The following TCF3 variants were observed in gnomAD, a reference collection of about 807,000 sequenced individuals.
The protein encoded by TCF3 is transcription factor 3.
In TCF3, 54 loss-of-function variants were observed where a neutral mutation model predicts 72.3. That is an observed-to-expected ratio of 0.75 (90% CI 0.60 to 0.94). The LOEUF is 0.94. Among genes scored for constraint, TCF3 ranks in the 40% least tolerant of loss-of-function variants. The probability of loss-of-function intolerance (pLI) is 0.00; values close to 1 mark genes in which losing one functional copy is unlikely to be tolerated. For synonymous variants in TCF3, 525 were observed against 412.6 expected (o/e 1.27, Z -3.30); for missense variants, 1,078 against 934.4 (o/e 1.15, Z -2.00).
At position 1,619,113 on chromosome 19, in the gene TCF3, C is replaced by T. The variant is rs371587171; in HGVS notation, c.1448G>A (p.Ser483Asn). 1 of 1,599,422 alleles carries T rather than the reference C, an allele frequency of 6.3e-7. No individual in the cohort carries two copies. Among genetic ancestry groups the T allele is most frequent in the Non-Finnish European group, 8.5e-7 (1 of 1,179,704 alleles). Residue 483 changes from serine to asparagine, a missense_variant and splice_region_variant, in exon 16 of 19, where the codon AGT becomes AAT. Physicochemically the swap from Ser to Asn is conservative, Grantham distance 46 (BLOSUM62 1). Coordinates refer to ENST00000262965, the MANE Select transcript of TCF3 (RefSeq NM_003200.5). ...CAGTCCCAAGCTCAAGGGCTTACCA[C>T]TGTAGGAGTCGGGAGGCCGAGACAG... Reference protein sequence around the residue: ...PDLSRPPDSYSGLGRAGATAA... With the variant: ...PDLSRPPDSYNGLGRAGATAA...
chr19:1,638,428 G>A (rs2064768560), intron 3 of TCF3, among the ~76,000 whole-genome samples: 1 of 152,074 alleles, frequency 6.6e-6, no homozygotes, highest in African/African-American at 2.4e-5. Flanking sequence ...GACTACAGGC[G>A]CCCACCACCG....
chr19:1,630,194 TGGGA>T (rs1434070338), intron 5 of TCF3, among the ~76,000 whole-genome samples: 1 of 152,068 alleles, frequency 6.6e-6, no homozygotes, highest in Non-Finnish European at 1.5e-5. Flanking sequence ...AGGAAGAGGC[TGGGA>T]GGAAGGAACA....
At chr19:1,640,206 A>G (rs1040150807) in intron 3 of TCF3, among the ~76,000 whole-genome samples, 1 of 151,842 alleles carries the variant, frequency 6.6e-6, no homozygotes, top group African/African-American at 2.4e-5. Flanking sequence ...CACTTTTGGC[A>G]CGGGTGGACA....
chr19:1,611,947 G>GGGGGGGGC, intron 18 of TCF3, 98 bp from the exon 19 acceptor site: 1 of 449,528 alleles, frequency 2.2e-6, no homozygotes, highest in Non-Finnish European at 4.0e-6. Context: ...GGGGGTGGGG[G>GGGGGGGGC]CAGAGCCCCA....
At position 1,632,696 on chromosome 19, in the gene TCF3, G is replaced by A. The variant is rs566243892; in HGVS notation, c.146-291C>T. ...AAGCCCCAGCTTTCATACCCTCCTT[G>A]GGCAAAGACCTCACTCTCACGCCGA... On this transcript the variant is annotated intron_variant, in intron 3 of 18. Coordinates refer to ENST00000262965, the MANE Select transcript of TCF3 (RefSeq NM_003200.5). Among the ~76,000 whole-genome samples, 6 of 152,192 alleles carry A rather than the reference G, an allele frequency of 3.9e-5. No individual in the cohort carries two copies. The South Asian group carries it at 6.2e-4, about 16-fold the overall frequency.
chr19:1,622,030 CCT>C (rs1491431461), intron 10 of TCF3, 22 bp downstream of exon 10: 1 of 1,595,200 alleles, frequency 6.3e-7, no homozygotes, highest in Admixed American at 1.7e-5. Context: ...CCGCCCACCC[CCT>C]GCCCCCTGCC....
intron 3 of TCF3, among the ~76,000 whole-genome samples, chr19:1,641,408 T>C (rs1253066911): frequency 6.6e-6 from 1 of 152,048 alleles, no homozygotes; most frequent in Admixed American, 6.6e-5. Context: ...CTTGAGCTCA[T>C]GAATACAAGA....
chr19:1,626,579 G>A (rs1319905885), intron 6 of TCF3, among the ~76,000 whole-genome samples: 1 of 152,168 alleles, frequency 6.6e-6, no homozygotes, highest in Non-Finnish European at 1.5e-5. Flanking sequence ...CCACCGCGGG[G>A]CTCGATGAGT....
chr19:1,646,868 C>G, intron 2 of TCF3, among the ~76,000 whole-genome samples: 2 of 152,316 alleles, frequency 1.3e-5, no homozygotes, highest in Middle Eastern at 3.4e-3. Flanking sequence ...GGAGAGTCCC[C>G]GGATGCCTGA....
chr19:1,647,548 C>T (rs540188159), intron 2 of TCF3, among the ~76,000 whole-genome samples: 1 of 152,296 alleles, frequency 6.6e-6, no homozygotes, highest in East Asian at 1.9e-4. Context: ...AGAGGAAGAA[C>T]GGTCTTGCGG....
intron 3 of TCF3, among the ~76,000 whole-genome samples, chr19:1,635,542 T>C (rs971089928): frequency 7.0e-6 from 1 of 143,776 alleles, no homozygotes; most frequent in Admixed American, 6.9e-5. Context: ...CTGGGACCCC[T>C]CTTTGTCTGC....
At position 1,637,102 on chromosome 19, in the gene TCF3, G is replaced by A. The variant is rs867727073; in HGVS notation, c.146-4697C>T. ...ACCAGCACGGGGGACAACCTCCTCC[G>A]CCAGAACCGGGGACAACTGGCAACC... On this transcript the variant is annotated intron_variant, in intron 3 of 18. Transcript: ENST00000262965. Among the ~76,000 whole-genome samples the A allele has an allele frequency of 4.7e-5, 7 of 147,990 alleles. No individual in the cohort carries two copies. The South Asian group carries it at 1.1e-3, about 23-fold the overall frequency.
At chr19:1,639,414 AGCCCACAATCCTG>A (rs1206970470) in intron 3 of TCF3, among the ~76,000 whole-genome samples, 1 of 152,188 alleles carries the variant, frequency 6.6e-6, no homozygotes. Context: ...AGCCCACACA[AGCCCACAATCCTG>A]GCATCTAAAT....
At position 1,615,698 on chromosome 19, in the gene TCF3, CG is replaced by C. The variant is rs757261438; in HGVS notation, c.1573del (p.Arg525GlyfsTer76). ...GGTGGGTTGGCACCTGGTCCGGGCC[CG>C]GGGGGCCTTCAGCTCCTTCTTCTCC... ...EEEKKELKAP[R>X]ARTSPDEDED... On this transcript the variant is annotated frameshift_variant, in exon 17 of 19. Coordinates refer to ENST00000262965, the MANE Select transcript of TCF3 (RefSeq NM_003200.5). LOFTEE classifies it high-confidence loss of function. This position sits in a 1 kb window ranked among gnomAD's most constrained non-coding sequence, Gnocchi z 7.3. The C allele has an allele frequency of 1.2e-6, 2 of 1,613,190 alleles. No individual in the cohort carries two copies. Among genetic ancestry groups the C allele is most frequent in the Non-Finnish European group, 8.5e-7 (1 of 1,179,564 alleles).
At chr19:1,645,035 T>C (rs1041719765) in intron 3 of TCF3, among the ~76,000 whole-genome samples, 1 of 152,064 alleles carries the variant, frequency 6.6e-6, no homozygotes, top group Non-Finnish European at 1.5e-5. Context: ...GCCAGCCCTG[T>C]GGCCACTTCC....
rs374898725 is a variant in TCF3 at position 1,621,889 on chromosome 19, C to T, written c.904G>A (p.Gly302Ser). 51 of 1,596,738 alleles carry T rather than the reference C, an allele frequency of 3.2e-5. No homozygotes were observed. Among genetic ancestry groups the T allele is most frequent in the East Asian group, 2.0e-4 (9 of 44,176 alleles). Reference sequence around the variant, plus strand: ...GGCGGCGTGTGGCTGGAGACGCCGCCGTACGTGGCTCCGGGGGCTGAGGAG... The same window carrying T: ...GGCGGCGTGTGGCTGGAGACGCCGCTGTACGTGGCTCCGGGGGCTGAGGAG... ...SFSSAPGATY[G>S]GVSSHTPPVS... is the part of the protein sequence containing the mutation. The change falls in exon 11 of 19, where the codon GGC (glycine) becomes AGC (serine). Residue 302 changes from glycine (G) to serine (S), a missense_variant. Physicochemically the swap from Gly to Ser is moderately conservative, Grantham distance 56. Coordinates refer to ENST00000262965, the MANE Select transcript of TCF3 (RefSeq NM_003200.5).
chr19:1,622,185 G>C lies in TCF3; in HGVS notation c.691C>G (p.Pro231Ala). 1.3e-6 allele frequency: 2 copies of C among 1,567,408 alleles called. No homozygotes were observed. The highest frequency in any genetic ancestry group is 1.7e-6 in the Non-Finnish European group (2 of 1,158,850). The change falls in exon 10 of 19, where the codon CCG becomes GCG. Residue 231 changes from proline to alanine, a missense_variant. Physicochemically the swap from Pro to Ala is conservative, Grantham distance 27. Coordinates refer to ENST00000262965, the MANE Select transcript of TCF3 (RefSeq NM_003200.5). ...LHPSAELWSP[P>A]GQAGFGPMLG... ...ATGGGCCCGAAGCCCGCCTGGCCCGGGGGACTCCAGAGCTCGGCTGAGGGG... is the reference window on the plus strand; with the variant it reads ...ATGGGCCCGAAGCCCGCCTGGCCCGCGGGACTCCAGAGCTCGGCTGAGGGG...
chr19:1,650,542 A>T (rs1356751149), intron 1 of TCF3: 1 of 394,846 alleles, frequency 2.5e-6, no homozygotes, highest in African/African-American at 2.1e-5. Context: ...GAGGGTGTGC[A>T]AATATAAACT....
intron 14 of TCF3, 77 bp downstream of exon 14, chr19:1,619,702 AG>A (rs1287553098): frequency 8.5e-7 from 1 of 1,183,052 alleles, no homozygotes; most frequent in Non-Finnish European, 1.1e-6. Context: ...ACTAACAAAA[AG>A]GTTTCTCCTT....
Sources: allele counts gnomAD v4.1 joint callset (sites outside exome capture counted in the v4.1 genomes callset), GRCh38; gene constraint gnomAD v4.1.1; non-coding constraint Gnocchi (gnomAD v3.1); transcripts MANE v1.5; gene names NCBI Gene and HGNC (gene_info 2026-07-23, HGNC 2026-07-21).